The following AKAP13 variants were observed in gnomAD, a reference collection of about 807,000 sequenced individuals.
AKAP13 encodes the protein A-kinase anchor protein 13.
AKAP13 carries 80 observed loss-of-function variants against 264.5 expected under a neutral mutation model. The observed-to-expected ratio is 0.30, with a 90% CI of 0.25 to 0.36. The LOEUF is 0.36. AKAP13 is among the 10% of genes least tolerant of loss of function. The probability of loss-of-function intolerance (pLI) is 1.00; values close to 1 mark genes in which losing one functional copy is unlikely to be tolerated. For synonymous variants in AKAP13, 1,380 were observed against 1,250.2 expected, an observed-to-expected ratio of 1.10 and a Z score of -2.19; for missense variants, 3,712 against 3,435.2, an observed-to-expected ratio of 1.08 and a Z score of -2.01.
chr15:85,647,064 G>A (rs79385205), intron 10 of AKAP13, among the ~76,000 whole-genome samples: 1 of 152,172 alleles, frequency 6.6e-6, no homozygotes, highest in Non-Finnish European at 1.5e-5. Context: ...GTGTTAGTGG[G>A]TGATTAGGTT....
chr15:85,613,865 T>C (rs75605066), intron 8 of AKAP13, among the ~76,000 whole-genome samples: 47 of 151,582 alleles, frequency 3.1e-4, no homozygotes, highest in African/African-American at 1.1e-3. Context: ...TTAGGTTCAC[T>C]ATACTCTCTT....
chr15:85,714,923 C>T (rs1235921718), intron 19 of AKAP13, among the ~76,000 whole-genome samples: 1 of 151,952 alleles, frequency 6.6e-6, no homozygotes, highest in South Asian at 2.1e-4. Context: ...GCCAAGATCG[C>T]GCCACTGCAC....
intron 5 of AKAP13, 44 bp downstream of exon 5, chr15:85,543,999 C>G (rs777128413): frequency 6.2e-7 from 1 of 1,605,532 alleles, no homozygotes; most frequent in South Asian, 1.1e-5. Context: ...CATCCCCAGC[C>G]CCACCCCCGA....
chr15:85,467,102 G>A (rs1295489922), intron 1 of AKAP13, among the ~76,000 whole-genome samples: 1 of 148,606 alleles, frequency 6.7e-6, no homozygotes, highest in East Asian at 2.0e-4. Flanking sequence ...ACACACACAC[G>A]TATGTAACTC....
chr15:85,595,408 A>G (rs2079775045), intron 8 of AKAP13, among the ~76,000 whole-genome samples: 1 of 152,164 alleles, frequency 6.6e-6, no homozygotes, highest in South Asian at 2.1e-4. Flanking sequence ...CAAATACCAG[A>G]TAATTTTTGA....
At chr15:85,419,718 G>T (rs901142915) in intron 1 of AKAP13, among the ~76,000 whole-genome samples, 1 of 152,074 alleles carries the variant, frequency 6.6e-6, no homozygotes, top group Non-Finnish European at 1.5e-5. Flanking sequence ...AAGCTTGAAA[G>T]ATAGTATATG....
At chr15:85,744,491 C>T in intron 36 of AKAP13, 137 bp from the exon 37 acceptor site, 1 of 890,624 alleles carries the variant, frequency 1.1e-6, no homozygotes, top group Non-Finnish European at 1.9e-6. Context: ...TTCAGAAACC[C>T]CGGTGCGCAG....
At chr15:85,564,034 T>C (rs1158713511) in intron 5 of AKAP13, among the ~76,000 whole-genome samples, 1 of 152,212 alleles carries the variant, frequency 6.6e-6, no homozygotes, top group Non-Finnish European at 1.5e-5. Context: ...TTTCCTCATC[T>C]CTGAAACCGG....
chr15:85,621,887 G>A (rs1444991034), intron 8 of AKAP13, among the ~76,000 whole-genome samples: 3 of 152,146 alleles, frequency 2.0e-5, no homozygotes, highest in East Asian at 3.8e-4. Context: ...TTGTCTTTGT[G>A]TATTTGTACT....
chr15:85,677,445 C>T (rs1277608740), intron 14 of AKAP13, among the ~76,000 whole-genome samples: 2 of 152,138 alleles, frequency 1.3e-5, no homozygotes, highest in Non-Finnish European at 2.9e-5. Context: ...TTTTATTTGA[C>T]AATGTAAATT....
Position 85,380,615 on chromosome 15 carries a change from A to C in AKAP13, c.-195A>C, listed in dbSNP as rs1038002945. Reference sequence around the variant, plus strand: ...GCGGACTGGAGCTGTGTGCAGGGCCAGCGCGGAGCCCGAGCAGCCGCGGTG... The same window carrying C: ...GCGGACTGGAGCTGTGTGCAGGGCCCGCGCGGAGCCCGAGCAGCCGCGGTG... On this transcript the variant is annotated 5_prime_UTR_variant, in exon 1 of 37. Coordinates refer to ENST00000394518, the MANE Select transcript of AKAP13 (RefSeq NM_007200.5). The C allele has an allele frequency of 1.6e-5, 2 of 126,492 alleles. No individual in the cohort carries two copies. Among genetic ancestry groups the C allele is most frequent in the African/African-American group, 3.0e-5 (1 of 33,640 alleles). The allele number at this position is 126,492 out of a possible 1,614,324, so 7.8% of individuals were successfully genotyped here. A position where few individuals can be genotyped will look rare whatever the true frequency, so the allele number is the denominator to read the frequency against.
At chr15:85,619,759 A>C in intron 8 of AKAP13, 1 of 1,047,936 alleles carries the variant, frequency 9.5e-7, no homozygotes, top group Non-Finnish European at 1.1e-6. Flanking sequence ...CCAGTGATGG[A>C]AACGGTGTTT....
intron 16 of AKAP13, 181 bp downstream of exon 16, chr15:85,685,054 A>G: frequency 1.4e-6 from 1 of 727,172 alleles, no homozygotes; most frequent in Non-Finnish European, 2.1e-6. Flanking sequence ...AAGTGGAACT[A>G]CCAGTTACTG....
chr15:85,579,330 G>T lies in AKAP13; in HGVS notation c.1262G>T (p.Arg421Ile), dbSNP rs763154156. 1 of 1,614,240 alleles carries T rather than the reference G, an allele frequency of 6.2e-7. No homozygotes were observed. The highest frequency in any genetic ancestry group is 8.5e-7 in the Non-Finnish European group (1 of 1,180,044). The change falls in exon 7 of 37, where the codon AGA becomes ATA. Residue 421 changes from arginine to isoleucine, a missense_variant. Around this residue, in one of 3 missense-constraint regions of AKAP13, gnomAD observed 2,759 missense variants for 2,411.7 expected, o/e 1.14. Transcript: ENST00000394518. Reference sequence around the variant, plus strand: ...GAAGGCCTTTCGTCCTGTGGAAACAGAAATGAAGAAACTGGAACAAAATCT... The same window carrying T: ...GAAGGCCTTTCGTCCTGTGGAAACATAAATGAAGAAACTGGAACAAAATCT... ...GTEGLSSCGNRNEETGTKSSG... is the reference protein window; with the variant it reads ...GTEGLSSCGNINEETGTKSSG...
At chr15:85,557,062 C>T (rs79514754) in intron 5 of AKAP13, among the ~76,000 whole-genome samples, 5 of 152,130 alleles carry the variant, frequency 3.3e-5, no homozygotes, top group East Asian at 1.9e-4. Context: ...AGTGTTCAGT[C>T]GAATACCTCT....
At chr15:85,663,327 G>A (rs907115933) in intron 12 of AKAP13, among the ~76,000 whole-genome samples, 6 of 146,054 alleles carry the variant, frequency 4.1e-5, no homozygotes, top group Non-Finnish European at 9.1e-5. Context: ...AAAAAAAATA[G>A]GAAAAGAAAG....
chr15:85,437,485 T>A (rs2073366783), intron 1 of AKAP13, among the ~76,000 whole-genome samples: 2 of 151,252 alleles, frequency 1.3e-5, no homozygotes, highest in Admixed American at 1.3e-4. Context: ...CCAGCATCAT[T>A]CTGATACCAA....
chr15:85,425,587 G>A (rs1231459368), intron 1 of AKAP13, among the ~76,000 whole-genome samples: 1 of 151,938 alleles, frequency 6.6e-6, no homozygotes, highest in Admixed American at 6.6e-5. Context: ...GTGGTGGCAC[G>A]TGCCTGTAAT....
At chr15:85,685,460 CCG>C (rs1567194594) in intron 16 of AKAP13, 3 of 119,564 alleles carry the variant, frequency 2.5e-5, no homozygotes, top group Admixed American at 9.0e-5. Flanking sequence ...AATGTTTAAA[CCG>C]TGTGTGTGTG....
Sources: gnomAD v4.1 joint callset for allele counts (sites outside exome capture counted in the v4.1 genomes callset) on GRCh38, gnomAD v4.1.1 for gene constraint, gnomAD v4.1.1 regional missense constraint, MANE v1.5 for transcripts, NCBI Gene and HGNC (gene_info 2026-07-23, HGNC 2026-07-21) for gene names.